The following LRGUK variants were observed in gnomAD, a reference collection of about 807,000 sequenced individuals.
The protein encoded by LRGUK is leucine-rich repeat and guanylate kinase domain-containing protein.
Under a neutral mutation model 76.0 loss-of-function variants are expected in LRGUK, and 65 were observed. The ratio of observed to expected loss-of-function variants is 0.85; its 90% CI spans 0.70 to 1.05. The LOEUF is 1.05. Among genes scored for constraint, LRGUK ranks in the 50% least tolerant of loss-of-function variants. The probability of loss-of-function intolerance (pLI) is 0.00; values close to 1 mark genes in which losing one functional copy is unlikely to be tolerated. For synonymous variants in LRGUK, 268 were observed against 265.6 expected (o/e 1.01, Z -0.09); for missense variants, 758 against 732.8 (o/e 1.03, Z -0.40).
intron 16 of LRGUK, among the ~76,000 whole-genome samples, chr7:134,231,958 C>T (rs1021285542): frequency 6.6e-6 from 1 of 151,560 alleles, no homozygotes; most frequent in African/African-American, 2.4e-5. Context: ...TTCCCATTTC[C>T]TCACTTATTT....
chr7:134,153,872 A>T (rs1267006008), intron 5 of LRGUK, among the ~76,000 whole-genome samples: 1 of 152,174 alleles, frequency 6.6e-6, no homozygotes, highest in Admixed American at 6.5e-5. Context: ...ACTGTGGTGG[A>T]TTTCCTACTA....
intron 1 of LRGUK, among the ~76,000 whole-genome samples, chr7:134,135,780 T>C (rs1466251826): frequency 6.6e-6 from 1 of 152,158 alleles, no homozygotes; most frequent in Non-Finnish European, 1.5e-5. Context: ...CTCAGCCTCC[T>C]GAGTAGCTGG....
chr7:134,194,843 G>C (rs2117064943), intron 12 of LRGUK, among the ~76,000 whole-genome samples: 1 of 152,248 alleles, frequency 6.6e-6, no homozygotes, highest in South Asian at 2.1e-4. Flanking sequence ...AATCCTAATG[G>C]GTTCACCTTG....
intron 2 of LRGUK, among the ~76,000 whole-genome samples, chr7:134,138,435 A>G (rs914645523): frequency 1.3e-5 from 2 of 151,810 alleles, no homozygotes; most frequent in Non-Finnish European, 2.9e-5. Context: ...CTTATGTTAC[A>G]TGTTATTTTT....
At chr7:134,255,926 G>C in intron 18 of LRGUK, among the ~76,000 whole-genome samples, 1 of 151,974 alleles carries the variant, frequency 6.6e-6, no homozygotes, top group East Asian at 1.9e-4. Context: ...TCAAGAGCAC[G>C]GTCTATAAAT....
At chr7:134,274,720 A>G in the LRGUK span, among the ~76,000 whole-genome samples, 2 of 152,154 alleles carry the variant, frequency 1.3e-5, no homozygotes, top group Non-Finnish European at 2.9e-5. Context: ...AATGGAAAAG[A>G]GTCCTTTTTG....
At chr7:134,265,816 G>C (rs1489374529), downstream of LRGUK, among the ~76,000 whole-genome samples, 1 of 152,130 alleles carries the variant, frequency 6.6e-6, no homozygotes, top group African/African-American at 2.4e-5. Context: ...TTCCTCACCT[G>C]GTAATAATGA....
chr7:134,247,434 TTTCCCCCTTTTTC>T (rs1372553492), intron 16 of LRGUK, 109 bp from the exon 17 acceptor site: 1 of 611,708 alleles, frequency 1.6e-6, no homozygotes, highest in African/African-American at 1.9e-5. Flanking sequence ...TTTTATGCCT[TTTCCCCCTTTTTC>T]TTCCCACATA....
chr7:134,230,770 T>C (rs1801870619), intron 16 of LRGUK, among the ~76,000 whole-genome samples: 1 of 152,144 alleles, frequency 6.6e-6, no homozygotes, highest in African/African-American at 2.4e-5. Flanking sequence ...TAATATACAA[T>C]TTAAAACAGG....
At chr7:134,208,447 A>G (rs1801098033) in intron 15 of LRGUK, among the ~76,000 whole-genome samples, 1 of 152,172 alleles carries the variant, frequency 6.6e-6, no homozygotes, top group African/African-American at 2.4e-5. Context: ...ATGAATAAGA[A>G]CCAGACATAA....
chr7:134,220,801 C>T (rs950895596), intron 15 of LRGUK, among the ~76,000 whole-genome samples: 10 of 152,050 alleles, frequency 6.6e-5, no homozygotes, highest in African/African-American at 2.4e-4. Context: ...AACTCCTGGG[C>T]TCAAGTGTTC....
chr7:134,216,494 A>G (rs377285887), intron 15 of LRGUK, among the ~76,000 whole-genome samples: 2 of 152,212 alleles, frequency 1.3e-5, no homozygotes, highest in East Asian at 1.9e-4. Flanking sequence ...TGAGTAGGGA[A>G]ACATCAATTC....
chr7:134,223,985 A>T (rs970894701), intron 16 of LRGUK, among the ~76,000 whole-genome samples: 1 of 152,122 alleles, frequency 6.6e-6, no homozygotes, highest in African/African-American at 2.4e-5. Context: ...TAATGGGTAG[A>T]AGTCAACAGG....
At chr7:134,268,414 A>G (rs555233778), downstream of LRGUK, among the ~76,000 whole-genome samples, 1 of 152,298 alleles carries the variant, frequency 6.6e-6, no homozygotes, top group African/African-American at 2.4e-5. Flanking sequence ...CCCATAACTC[A>G]TGCTGCATGG....
intron 16 of LRGUK, among the ~76,000 whole-genome samples, chr7:134,238,126 T>C (rs1256019765): frequency 6.6e-6 from 1 of 152,238 alleles, no homozygotes; most frequent in African/African-American, 2.4e-5. Context: ...TTTGTCTTAG[T>C]TCTCAAGTAT....
chr7:134,258,235 C>A, intron 18 of LRGUK, 22 bp from the exon 19 acceptor site: 1 of 1,613,470 alleles, frequency 6.2e-7, no homozygotes, highest in Non-Finnish European at 8.5e-7. Context: ...TCAAAAAGAT[C>A]TTTGGTTTTT....
chr7:134,275,471 A>G, the LRGUK span, among the ~76,000 whole-genome samples: 1 of 152,050 alleles, frequency 6.6e-6, no homozygotes, highest in South Asian at 2.1e-4. Flanking sequence ...GAAATGACTG[A>G]ATTTTTTTCT....
chr7:134,195,916 G>A (rs1387833459), intron 12 of LRGUK, among the ~76,000 whole-genome samples: 3 of 152,078 alleles, frequency 2.0e-5, no homozygotes, highest in Non-Finnish European at 4.4e-5. Flanking sequence ...ACATTGCCCA[G>A]AGACCCATCC....
chr7:134,152,389 T>G (rs1429454010), intron 5 of LRGUK, among the ~76,000 whole-genome samples: 4 of 151,980 alleles, frequency 2.6e-5, no homozygotes, highest in Non-Finnish European at 5.9e-5. Context: ...AAGAGAAATA[T>G]ATCCCATGTC....
Sources: gnomAD v4.1 joint callset for allele counts (sites outside exome capture counted in the v4.1 genomes callset) on GRCh38, gnomAD v4.1.1 for gene constraint, MANE v1.5 for transcripts, NCBI Gene and HGNC (gene_info 2026-07-23, HGNC 2026-07-21) for gene names.